The following NUP205 variants were observed in gnomAD, a reference collection of about 807,000 sequenced individuals.
The protein encoded by NUP205 is nuclear pore complex protein Nup205.
In NUP205, 76 loss-of-function variants were observed where a neutral mutation model predicts 253.8. The observed-to-expected ratio is 0.30, with a 90% confidence interval of 0.25 to 0.36. The LOEUF (loss-of-function observed/expected upper bound fraction) is 0.36, where lower values mean the gene tolerates loss of function less well. Among genes scored for constraint, NUP205 ranks in the 10% least tolerant of loss-of-function variants. The pLI is 1.00. For missense variants in NUP205, 2,162 were observed against 2,425.5 expected, an observed-to-expected ratio of 0.89 and a Z score of 2.28; for synonymous variants, 832 against 850.1, an observed-to-expected ratio of 0.98 and a Z score of 0.37.
chr7:135,616,012 C>A lies in NUP205; in HGVS notation c.3407C>A (p.Thr1136Asn). The change falls in exon 24 of 43, where the codon ACC becomes AAC. Residue 1136 changes from threonine (T) to asparagine (N), a missense_variant. Coordinates refer to ENST00000285968, the MANE Select transcript of NUP205 (RefSeq NM_015135.3). Reference protein sequence around the residue: ...VTSLNRQRSHTQRLLHLLLDD... With the variant: ...VTSLNRQRSHNQRLLHLLLDD... ...TCTCTGAATCGTCAGCGGTCACATACCCAGAGGCTCCTACACCTCTTACTG... is the reference window on the plus strand; with the variant it reads ...TCTCTGAATCGTCAGCGGTCACATAACCAGAGGCTCCTACACCTCTTACTG... The A allele has an allele frequency of 6.2e-7, 1 of 1,613,660 alleles. No homozygotes were observed.
intron 8 of NUP205, among the ~76,000 whole-genome samples, chr7:135,585,640 G>T (rs994295127): frequency 6.6e-6 from 1 of 151,296 alleles, no homozygotes; most frequent in Non-Finnish European, 1.5e-5. Context: ...TGCAATCTCC[G>T]CCTCCTGGGT....
intron 28 of NUP205, among the ~76,000 whole-genome samples, chr7:135,618,899 C>T (rs1323528138): frequency 6.6e-6 from 1 of 152,110 alleles, no homozygotes; most frequent in Non-Finnish European, 1.5e-5. Flanking sequence ...AGAAAACCTC[C>T]CTAGGGAATT....
chr7:135,562,734 G>A (rs1413968743), intron 1 of NUP205, among the ~76,000 whole-genome samples: 1 of 151,648 alleles, frequency 6.6e-6, no homozygotes, highest in Non-Finnish European at 1.5e-5. Context: ...TTTTAGTAGA[G>A]CAGGGTTTCA....
chr7:135,572,477 A>G (rs990783128), intron 2 of NUP205, among the ~76,000 whole-genome samples: 3 of 152,188 alleles, frequency 2.0e-5, no homozygotes, highest in Non-Finnish European at 4.4e-5. Context: ...CTGCATCTTG[A>G]AATTCTTTGC....
intron 8 of NUP205, among the ~76,000 whole-genome samples, chr7:135,585,877 G>A (rs1806447963): frequency 6.6e-6 from 1 of 152,106 alleles, no homozygotes; most frequent in Admixed American, 6.6e-5. Context: ...TGTATAAAAG[G>A]GCTTCAGCAT....
At chr7:135,608,254 G>C (rs1165820368) in intron 22 of NUP205, among the ~76,000 whole-genome samples, 2 of 152,056 alleles carry the variant, frequency 1.3e-5, no homozygotes, top group Admixed American at 1.3e-4. Context: ...TCAATCTCTT[G>C]ACTTTGTGAT....
chr7:135,641,738 T>TCACCTGA (rs1794918925), intron 38 of NUP205, among the ~76,000 whole-genome samples: 2 of 116,218 alleles, frequency 1.7e-5, no homozygotes, highest in African/African-American at 6.2e-5. Context: ...AGGTTGAGGT[T>TCACCTGA]GCAGTGATCC....
chr7:135,638,725 C>G (rs761708366), intron 38 of NUP205, 42 bp downstream of exon 38: 1 of 1,611,498 alleles, frequency 6.2e-7, no homozygotes, highest in East Asian at 2.2e-5. Context: ...AACTAAGTTG[C>G]TATGGTTATG....
chr7:135,610,477 C>G (rs1422526739), intron 22 of NUP205, among the ~76,000 whole-genome samples: 1 of 152,212 alleles, frequency 6.6e-6, no homozygotes. Context: ...GCCTTGGCCT[C>G]CCAAAGTGCT....
intron 8 of NUP205, among the ~76,000 whole-genome samples, chr7:135,585,541 A>G (rs2129490075): frequency 6.6e-6 from 1 of 152,060 alleles, no homozygotes; most frequent in Non-Finnish European, 1.5e-5. Context: ...TGCATTTTAT[A>G]GATAATTGTT....
chr7:135,639,175 A>G (rs1794872483), intron 38 of NUP205, among the ~76,000 whole-genome samples: 1 of 152,064 alleles, frequency 6.6e-6, no homozygotes, highest in African/African-American at 2.4e-5. Context: ...TAATGGGTAA[A>G]GCTGTTATCC....
chr7:135,567,148 A>T (rs1378408361), intron 1 of NUP205, among the ~76,000 whole-genome samples: 1 of 80,060 alleles, frequency 1.2e-5, no homozygotes, highest in Non-Finnish European at 2.6e-5. Flanking sequence ...ATATATATAT[A>T]TATATATATA....
At position 135,626,372 on chromosome 7, in the gene NUP205, G is replaced by A. The variant is rs7810260; in HGVS notation, c.4793+11G>A. On this transcript the variant is annotated intron_variant, in intron 33 of 42. Coordinates refer to ENST00000285968, the MANE Select transcript of NUP205 (RefSeq NM_015135.3). ...AACGGACCCGCAGAGGTAAGTGTCT[G>A]TATAGATTAATTTGGTTAAACTCCC... is the stretch of plus-strand genomic sequence containing the variant. 0.49 allele frequency: 781,622 copies of A among 1,610,224 alleles called. 191,825 individuals carry two copies. The highest frequency in any genetic ancestry group is 0.51 in the Non-Finnish European group (599,806 of 1,178,464).
chr7:135,584,265 T>C (rs977773389), intron 7 of NUP205, among the ~76,000 whole-genome samples: 2 of 152,162 alleles, frequency 1.3e-5, no homozygotes, highest in Admixed American at 1.3e-4. Context: ...AAACAGGTGA[T>C]GGGTATGTAG....
intron 3 of NUP205, among the ~76,000 whole-genome samples, chr7:135,574,627 C>T (rs142522176): frequency 8.4e-4 from 128 of 152,256 alleles, no homozygotes; most frequent in African/African-American, 3.0e-3. Context: ...GATGCAGATA[C>T]AGCAGGAATC....
rs145527105 is a variant in NUP205 at position 135,582,433 on chromosome 7, A to G, written c.1043-2399A>G. Among the ~76,000 whole-genome samples, 1,316 of 152,342 alleles carry G rather than the reference A, an allele frequency of 8.6e-3. 21 individuals are homozygous for G. The highest frequency in any genetic ancestry group is 9.0e-3 in the Non-Finnish European group (614 of 68,038). ...GTAATTGTTATTACTAGTCATACCA[A>G]AGAATTAAGACAATATTTTATTCTC... On this transcript the variant is annotated intron_variant, in intron 7 of 42. Coordinates refer to ENST00000285968, the MANE Select transcript of NUP205 (RefSeq NM_015135.3).
At chr7:135,587,481 G>A (rs1005325748) in intron 8 of NUP205, 94 bp from the exon 9 acceptor site, 34 of 560,246 alleles carry the variant, frequency 6.1e-5, no homozygotes, top group Non-Finnish European at 9.5e-5. Context: ...ATATATTCTT[G>A]TATGTAGTCA....
intron 2 of NUP205, among the ~76,000 whole-genome samples, chr7:135,572,064 G>C (rs1435039430): frequency 2.0e-5 from 3 of 151,994 alleles, no homozygotes; most frequent in Non-Finnish European, 1.5e-5. Flanking sequence ...TTGCTATGTT[G>C]CCCAGGCTGG....
At chr7:135,597,188 T>A in intron 13 of NUP205, 180 bp from the exon 14 acceptor site, 1 of 475,438 alleles carries the variant, frequency 2.1e-6, no homozygotes, top group Non-Finnish European at 3.8e-6. Flanking sequence ...AAAAGTTCTA[T>A]CTCAACCTGG....
Sources: gnomAD v4.1 joint callset for allele counts (sites outside exome capture counted in the v4.1 genomes callset) on GRCh38, gnomAD v4.1.1 for gene constraint, MANE v1.5 for transcripts, NCBI Gene and HGNC (gene_info 2026-07-23, HGNC 2026-07-21) for gene names.